ABCC9: variants seen among roughly 807,000 people sequenced by gnomAD.
ABCC9 encodes the protein ATP-binding cassette sub-family C member 9.
In ABCC9, 95 loss-of-function variants were observed where a neutral mutation model predicts 188.3. That is an observed-to-expected ratio of 0.50 (90% CI 0.43 to 0.60). The LOEUF is 0.60. Among genes scored for constraint, ABCC9 ranks in the 20% least tolerant of loss-of-function variants. The pLI, the probability that ABCC9 is intolerant of heterozygous loss-of-function variation, is 0.00. For missense variants in ABCC9, 1,102 were observed against 1,876.3 expected, an observed-to-expected ratio of 0.59 and a Z score of 7.62; for synonymous variants, 659 against 652.7, an observed-to-expected ratio of 1.01 and a Z score of -0.15.
intron 36 of ABCC9, 48 bp downstream of exon 36, chr12:21,812,001 A>G: frequency 7.3e-7 from 1 of 1,368,194 alleles, no homozygotes; most frequent in Non-Finnish European, 1.0e-6. Flanking sequence ...TCTATGAGTC[A>G]AAGGCTAAAT....
At chr12:21,923,955 A>G in intron 5 of ABCC9, 4 of 583,286 alleles carry the variant, frequency 6.9e-6, no homozygotes, top group South Asian at 6.7e-5. Flanking sequence ...TCTATGCTAC[A>G]TTACGGATGA....
intron 29 of ABCC9, among the ~76,000 whole-genome samples, chr12:21,839,017 C>T (rs532697187): frequency 2.0e-5 from 3 of 152,170 alleles, no homozygotes; most frequent in Non-Finnish European, 2.9e-5. Context: ...CAAAGCCTGA[C>T]GCTGTCTCAA....
At chr12:21,930,782 A>T (rs1026004641) in intron 4 of ABCC9, among the ~76,000 whole-genome samples, 4 of 152,186 alleles carry the variant, frequency 2.6e-5, no homozygotes, top group Admixed American at 6.5e-5. Context: ...TCAGCACTAA[A>T]ATGAAATGAT....
intron 7 of ABCC9, 131 bp from the exon 8 acceptor site, chr12:21,913,197 A>T (rs1948402594): frequency 1.3e-6 from 1 of 772,484 alleles, no homozygotes; most frequent in Non-Finnish European, 2.0e-6. Flanking sequence ...ATTGATGTTA[A>T]TGTGTGCCTT....
chr12:21,840,242 A>G (rs553120472), intron 29 of ABCC9, among the ~76,000 whole-genome samples: 1 of 152,324 alleles, frequency 6.6e-6, no homozygotes, highest in Non-Finnish European at 1.5e-5. Context: ...CAAAAATGGC[A>G]TGTTAAGCTG....
chr12:21,801,067 A>C lies in ABCC9; in HGVS notation c.4627T>G (p.Ser1543Ala). Residue 1543 changes from serine to alanine, a missense_variant, in exon 40 of 40, where the codon TCT (serine) becomes GCT (alanine). Transcript: ENST00000261200. ...LLAQENGVFASFVRADM is the reference protein window; with the variant it reads ...LLAQENGVFAAFVRADM ...CTTCACATGTCTGCGCGAACAAAAG[A>C]AGCAAATACTCCATTTTCCTGAGCC... is the stretch of plus-strand genomic sequence containing the variant. 1 of 1,614,004 alleles carries C rather than the reference A, an allele frequency of 6.2e-7. No homozygotes were observed. Among genetic ancestry groups the C allele is most frequent in the Non-Finnish European group, 8.5e-7 (1 of 1,179,926 alleles).
Position 21,895,334 on chromosome 12 carries a change from T to C in ABCC9, c.1619-19A>G, listed in dbSNP as rs901394047. The stretch of plus-strand genomic sequence containing the variant: ...ATGAAGACTGTGGAAAGAAATAAAA[T>C]GCATTAGTTTCATTGAACTGTGAAA... On this transcript the variant is annotated intron_variant, in intron 12 of 39. Coordinates refer to ENST00000261200, the MANE Select transcript of ABCC9 (RefSeq NM_020297.4). 4 of 1,608,562 alleles carry C rather than the reference T, an allele frequency of 2.5e-6. No homozygotes were observed. Among genetic ancestry groups the C allele is most frequent in the Admixed American group, 1.7e-5 (1 of 59,944 alleles).
intron 9 of ABCC9, 126 bp from the exon 10 acceptor site, chr12:21,910,438 G>A: frequency 2.1e-6 from 2 of 958,434 alleles, no homozygotes; most frequent in Non-Finnish European, 3.0e-6. Flanking sequence ...AAATTCTATA[G>A]GATCATCTTC....
chr12:21,845,005 T>A, intron 26 of ABCC9, 90 bp from the exon 27 acceptor site: 2 of 1,486,494 alleles, frequency 1.3e-6, no homozygotes, highest in African/African-American at 1.4e-5. Flanking sequence ...CAGACAAGAT[T>A]GTTTTCTTCA....
At chr12:21,933,075 T>C (rs1949351152) in intron 4 of ABCC9, among the ~76,000 whole-genome samples, 1 of 139,532 alleles carries the variant, frequency 7.2e-6, no homozygotes, top group African/African-American at 2.7e-5. Context: ...ATAATTTCCT[T>C]TGCAGGGACA....
At position 21,886,766 on chromosome 12, in the gene ABCC9, A is replaced by G. The variant is rs1946896216; in HGVS notation, c.1911+1060T>C. Among the ~76,000 whole-genome samples the G allele has an allele frequency of 2.6e-5, 4 of 152,238 alleles. No individual in the cohort carries two copies. The East Asian group carries it at 5.8e-4, about 22-fold the overall frequency. On this transcript the variant is annotated intron_variant, in intron 15 of 39. Coordinates refer to ENST00000261200, the MANE Select transcript of ABCC9 (RefSeq NM_020297.4). ...TTCTCTTCTTCACCAGGCTCCAGCCACAGTGCCCCTCTGTTCCTTGAACAC... is the reference window on the plus strand; with the variant it reads ...TTCTCTTCTTCACCAGGCTCCAGCCGCAGTGCCCCTCTGTTCCTTGAACAC...
intron 22 of ABCC9, 143 bp from the exon 23 acceptor site, chr12:21,852,648 T>A: frequency 3.0e-6 from 3 of 984,498 alleles, no homozygotes; most frequent in Non-Finnish European, 4.5e-6. Context: ...AAAGAAAAAC[T>A]ACCTGTCAGG....
chr12:21,829,174 G>A, intron 30 of ABCC9, 114 bp from the exon 31 acceptor site: 1 of 452,284 alleles, frequency 2.2e-6, no homozygotes. Context: ...GGCATGGAAT[G>A]ATCAGTAAAT....
intron 22 of ABCC9, among the ~76,000 whole-genome samples, chr12:21,859,036 G>A (rs1945372214): frequency 6.6e-6 from 1 of 152,026 alleles, no homozygotes; most frequent in Admixed American, 6.6e-5. Flanking sequence ...GTCCAAGATG[G>A]ATATCACGAA....
At chr12:21,801,740 G>T (rs993710658) in intron 39 of ABCC9, among the ~76,000 whole-genome samples, 5 of 152,102 alleles carry the variant, frequency 3.3e-5, no homozygotes, top group African/African-American at 1.2e-4. Context: ...TTCTTTCCAC[G>T]CGATGCCCTT....
chr12:21,916,093 T>C (rs780327121), intron 6 of ABCC9, among the ~76,000 whole-genome samples, 183 bp from the exon 7 acceptor site: 2 of 152,186 alleles, frequency 1.3e-5, no homozygotes, highest in African/African-American at 2.4e-5. Flanking sequence ...CTAGATGAAC[T>C]AGTTAATGCC....
At chr12:21,915,263 A>ATGTAATGTG (rs1300130225) in intron 7 of ABCC9, among the ~76,000 whole-genome samples, 1 of 101,894 alleles carries the variant, frequency 9.8e-6, no homozygotes, top group African/African-American at 4.0e-5. Context: ...GTGTGTGTGT[A>ATGTAATGTG]TATAATGTGT....
At chr12:21,837,931 A>G (rs907492644) in intron 30 of ABCC9, 147 bp downstream of exon 30, 3 of 729,152 alleles carry the variant, frequency 4.1e-6, no homozygotes, top group African/African-American at 3.5e-5. Context: ...CATTTACACC[A>G]AATTTTTCTT....
intron 18 of ABCC9, among the ~76,000 whole-genome samples, chr12:21,870,319 C>G (rs1458824085): frequency 6.6e-6 from 1 of 151,630 alleles, no homozygotes; most frequent in Non-Finnish European, 1.5e-5. Flanking sequence ...TGTGGTGGCA[C>G]ATTCACAGCT....
Sources: allele counts gnomAD v4.1 joint callset (sites outside exome capture counted in the v4.1 genomes callset), GRCh38; gene constraint gnomAD v4.1.1; transcripts MANE v1.5; gene names NCBI Gene and HGNC (gene_info 2026-07-23, HGNC 2026-07-21).